The following ZBTB4 variants were observed in gnomAD, a reference collection of about 807,000 sequenced individuals.
ZBTB4 encodes the protein zinc finger and BTB domain-containing protein 4.
ZBTB4 carries 14 observed loss-of-function variants against 59.8 expected under a neutral mutation model. That is an observed-to-expected ratio of 0.23 (90% CI 0.15 to 0.37). The LOEUF (loss-of-function observed/expected upper bound fraction) is 0.37, where lower values mean the gene tolerates loss of function less well. Ranked by LOEUF, ZBTB4 falls within the 10% of genes least tolerant of loss-of-function variation. ZBTB4 has a pLI of 1.00. For missense variants in ZBTB4, 1,198 were observed against 1,380.8 expected, an observed-to-expected ratio of 0.87 and a Z score of 2.10; for synonymous variants, 587 against 575.2, an observed-to-expected ratio of 1.02 and a Z score of -0.29.
chr17:7,482,973 G>A (rs1567695229), upstream of ZBTB4: 3 of 1,611,916 alleles, frequency 1.9e-6, no homozygotes, highest in Non-Finnish European at 2.5e-6. Flanking sequence ...AACCTCAGCT[G>A]TGAGAGGGAA....
upstream of ZBTB4, among the ~76,000 whole-genome samples, chr17:7,479,819 G>T (rs977085912): frequency 2.6e-5 from 4 of 151,910 alleles, no homozygotes; most frequent in East Asian, 7.8e-4. Flanking sequence ...TGGGCCACCG[G>T]GCGGGTGGAC....
At position 7,466,944 on chromosome 17, in the gene ZBTB4, A is replaced by G; in HGVS notation, c.-9-134T>C. On this transcript the variant is annotated intron_variant, in intron 2 of 3. Transcript: ENST00000380599. This position sits in a 1 kb window ranked among gnomAD's most constrained non-coding sequence, Gnocchi z 9.1. ...GGAAGGCTGAATCACTTCTGGTCAC[A>G]GAAGTCAGGGGTTGGCCCTTAGCCA... The G allele has an allele frequency of 1.4e-6, 2 of 1,413,790 alleles. No homozygotes were observed. Among genetic ancestry groups the G allele is most frequent in the Non-Finnish European group, 1.8e-6 (2 of 1,081,860 alleles). The allele number at this position is 1,413,790 out of a possible 1,614,324, so 87.6% of individuals were successfully genotyped here.
chr17:7,466,337 C>G lies in ZBTB4; in HGVS notation c.465G>C (p.Gly155=), dbSNP rs779253913. 1 of 1,614,044 alleles carries G rather than the reference C, an allele frequency of 6.2e-7. No individual in the cohort carries two copies. Among genetic ancestry groups the G allele is most frequent in the South Asian group, 1.1e-5 (1 of 91,072 alleles). Reference sequence around the variant, plus strand: ...CAATCTCTGCTACAGCTGCCCCGTCCCCTCCACCACCAGGCAGTGCGAGCC... The same window carrying G: ...CAATCTCTGCTACAGCTGCCCCGTCGCCTCCACCACCAGGCAGTGCGAGCC... ...SARLALPGGG[G]DGAAVAEIGA... Residue 155 remains glycine (G), a synonymous_variant, in exon 3 of 4, where the codon GGG becomes GGC. Coordinates refer to ENST00000380599, the MANE Select transcript of ZBTB4 (RefSeq NM_001128833.2). This position sits in a 1 kb window ranked among gnomAD's most constrained non-coding sequence, Gnocchi z 9.1.
Position 7,462,420 on chromosome 17 carries a change from C to G in ZBTB4, c.2562G>C (p.Gly854=), listed in dbSNP as rs1413760960. The G allele has an allele frequency of 6.2e-7, 1 of 1,613,988 alleles. No individual in the cohort carries two copies. Among genetic ancestry groups the G allele is most frequent in the Admixed American group, 1.7e-5 (1 of 60,016 alleles). The part of the protein sequence containing the change: ...TASLQDPIIS[G]GEEPPVVASG... ...TTGCCACTACTGGGGGCTCCTCACCCCCTGAAATGATAGGGTCCTGGAGTG... is the reference window on the plus strand; with the variant it reads ...TTGCCACTACTGGGGGCTCCTCACCGCCTGAAATGATAGGGTCCTGGAGTG... Residue 854 remains glycine (G), a synonymous_variant, in exon 4 of 4, where the codon GGG becomes GGC. Coordinates refer to ENST00000380599, the MANE Select transcript of ZBTB4 (RefSeq NM_001128833.2). The surrounding 1 kb of genome is among the most constrained non-coding windows in gnomAD (Gnocchi z 7.5).
At chr17:7,478,048 A>ACAGACTGTGTGCCCCTCCGC (rs1366904880) in intron 1 of ZBTB4, among the ~76,000 whole-genome samples, 1 of 151,844 alleles carries the variant, frequency 6.6e-6, no homozygotes, top group African/African-American at 2.4e-5. Flanking sequence ...ACCGCCACTT[A>ACAGACTGTGTGCCCCTCCGC]AGCACACAGA....
intron 2 of ZBTB4, 195 bp downstream of exon 2, chr17:7,467,062 G>A (rs987813992): frequency 2.6e-5 from 20 of 780,862 alleles, no homozygotes; most frequent in Non-Finnish European, 3.0e-5. Flanking sequence ...TGAAGGTCAA[G>A]GGGTCATGAC....
rs1279879157 is a variant in ZBTB4, at chr17:7,466,132, C to T, written c.670G>A (p.Asp224Asn). The stretch of plus-strand genomic sequence containing the variant: ...CGCCGGGGCAGGGAGCACTGCAAGT[C>T]AGGGGCCTGGGCCTCAGCCCTGTCA... ...EGDRAEAQAP[D>N]LQCSLPRRPL... is the part of the protein sequence containing the mutation. Residue 224 changes from aspartate to asparagine, a missense_variant, in exon 3 of 4, where the codon GAC (aspartate) becomes AAC (asparagine). By Grantham distance (23) the Asp-to-Asn change is conservative. Around this residue, in one of 9 missense-constraint regions of ZBTB4, gnomAD observed 204 missense variants for 205.5 expected, o/e 0.99. Transcript: ENST00000380599. The surrounding 1 kb of genome is among the most constrained non-coding windows in gnomAD (Gnocchi z 9.1). The T allele has an allele frequency of 1.2e-6, 2 of 1,611,036 alleles. No individual in the cohort carries two copies. The highest frequency in any genetic ancestry group is 3.3e-5 in the Admixed American group (2 of 59,918).
intron 1 of ZBTB4, among the ~76,000 whole-genome samples, chr17:7,473,889 G>A (rs1597777594): frequency 6.6e-6 from 1 of 152,022 alleles, no homozygotes; most frequent in African/African-American, 2.4e-5. Context: ...GCTCCAAGGG[G>A]TAAAAGGTAG....
upstream of ZBTB4, chr17:7,482,289 GC>G (rs758623019): frequency 1.9e-6 from 3 of 1,614,034 alleles, no homozygotes; most frequent in Admixed American, 3.3e-5. Context: ...GACATCCGAG[GC>G]CGGGCCTACT....
At chr17:7,465,572 CCA>C (rs1456655327) in intron 3 of ZBTB4, 137 bp downstream of exon 3, 3 of 1,388,318 alleles carry the variant, frequency 2.2e-6, no homozygotes, top group Middle Eastern at 2.7e-4. Context: ...CCTCAGCTAA[CCA>C]CAGTGCTGGG....
Position 7,466,196 on chromosome 17 carries a change from G to C in ZBTB4, c.606C>G (p.Ser202Arg). ...CAGCTGGCCTGGGCCCGGGCCCAAAGCTGTCCTCTTCAGGCTGCGAGGTGG... is the reference window on the plus strand; with the variant it reads ...CAGCTGGCCTGGGCCCGGGCCCAAACCTGTCCTCTTCAGGCTGCGAGGTGG... ...PMATSQPEED[S>R]FGPGPRPAGE... Residue 202 changes from serine to arginine, a missense_variant, in exon 3 of 4, where the codon AGC becomes AGG. This residue lies in a region of ZBTB4 where 204 missense variants were observed against 205.5 expected (regional missense o/e 0.99). Transcript: ENST00000380599. This position sits in a 1 kb window ranked among gnomAD's most constrained non-coding sequence, Gnocchi z 9.1. 1 of 1,613,458 alleles carries C rather than the reference G, an allele frequency of 6.2e-7. No individual in the cohort carries two copies. The highest frequency in any genetic ancestry group is 8.5e-7 in the Non-Finnish European group (1 of 1,179,978).
In ZBTB4 at chr17:7,465,920, C is replaced by G. The variant is rs2070113984; in HGVS notation, c.882G>C (p.Gly294=). Residue 294 remains glycine, a synonymous_variant, in exon 3 of 4, where the codon GGG becomes GGC. Coordinates refer to ENST00000380599, the MANE Select transcript of ZBTB4 (RefSeq NM_001128833.2). ...SALPPPVGFR[G]GPEHVVKVVG... is the part of the protein sequence containing the mutation. ...CCACCTTCACCACGTGCTCGGGGCC[C>G]CCTCGGAAGCCCACTGGTGGAGGCA... The G allele has an allele frequency of 3.1e-6, 5 of 1,610,354 alleles. No homozygotes were observed. The African/African-American group carries it at 5.3e-5, about 17-fold the overall frequency.
At position 7,461,666 on chromosome 17, in the gene ZBTB4, C is replaced by A; in HGVS notation, c.*274G>T. The A allele has an allele frequency of 2.7e-6, 1 of 371,072 alleles. No homozygotes were observed. The highest frequency in any genetic ancestry group is 4.9e-6 in the Non-Finnish European group (1 of 206,182). 23.0% of individuals were successfully genotyped at this position (371,072 alleles called of 1,614,324 possible). A position where few individuals can be genotyped will look rare whatever the true frequency, so the allele number is the denominator to read the frequency against. ...AGGTTAAGTATATTGCTCAGTTGCC[C>A]CAAGGGCTGGAGAAGGGATGGAAGC... On this transcript the variant is annotated 3_prime_UTR_variant, in exon 4 of 4. Coordinates refer to ENST00000380599, the MANE Select transcript of ZBTB4 (RefSeq NM_001128833.2).
chr17:7,482,335 T>C, upstream of ZBTB4: 1 of 1,614,042 alleles, frequency 6.2e-7, no homozygotes, highest in Non-Finnish European at 8.5e-7. Flanking sequence ...GCATTGGATG[T>C]GCCTACAGTG....
rs1388273987 is a variant in ZBTB4, at chr17:7,461,586, A to C, written c.*354T>G. Reference sequence around the variant, plus strand: ...AGAGATGGTTTCCCCTAGGTTTACGAATCAGGGGAGCAGGTTAGACATTCA... The same window carrying C: ...AGAGATGGTTTCCCCTAGGTTTACGCATCAGGGGAGCAGGTTAGACATTCA... On this transcript the variant is annotated 3_prime_UTR_variant, in exon 4 of 4. Transcript: ENST00000380599. 2.0e-5 allele frequency: 4 copies of C among 202,706 alleles called. No individual in the cohort carries two copies. Among genetic ancestry groups the C allele is most frequent in the Non-Finnish European group, 3.0e-5 (3 of 100,916 alleles). The allele number at this position is 202,706 out of a possible 1,614,324, so 12.6% of individuals were successfully genotyped here. A position where few individuals can be genotyped will look rare whatever the true frequency, so the allele number is the denominator to read the frequency against.
At chr17:7,469,628 G>A in intron 1 of ZBTB4, among the ~76,000 whole-genome samples, 1 of 151,800 alleles carries the variant, frequency 6.6e-6, no homozygotes, top group East Asian at 1.9e-4. Flanking sequence ...AGCCAGGCAT[G>A]GTGGTGGGTG....
intron 1 of ZBTB4, among the ~76,000 whole-genome samples, chr17:7,472,426 T>C (rs2070210895): frequency 6.6e-6 from 1 of 152,054 alleles, no homozygotes; most frequent in Non-Finnish European, 1.5e-5. Context: ...CCCAACCTCG[T>C]GATCCACCTG....
chr17:7,478,822 G>A (rs2070304453), intron 1 of ZBTB4, among the ~76,000 whole-genome samples: 1 of 152,148 alleles, frequency 6.6e-6, no homozygotes, highest in Admixed American at 6.5e-5. Flanking sequence ...TATCTCCATG[G>A]CCCAGGGAGG....
chr17:7,482,597 C>A, upstream of ZBTB4: 5 of 1,612,164 alleles, frequency 3.1e-6, no homozygotes, highest in Non-Finnish European at 4.2e-6. Flanking sequence ...GGCGCTGTCC[C>A]TGGGGCTTCT....
Sources: allele counts gnomAD v4.1 joint callset (sites outside exome capture counted in the v4.1 genomes callset), GRCh38; gene constraint gnomAD v4.1.1; regional missense constraint gnomAD v4.1.1; non-coding constraint Gnocchi (gnomAD v3.1); transcripts MANE v1.5; gene names NCBI Gene and HGNC (gene_info 2026-07-23, HGNC 2026-07-21).